The following KANK1 variants were observed in gnomAD, a reference collection of about 807,000 sequenced individuals.
KANK1 encodes KN motif and ankyrin repeat domains 1.
In KANK1, 109 loss-of-function variants were observed where a neutral mutation model predicts 106.2. The ratio of observed to expected loss-of-function variants is 1.03; its 90% CI spans 0.88 to 1.20. The LOEUF is 1.20. KANK1 is among the 50% of genes most tolerant of loss of function. The probability of loss-of-function intolerance (pLI) is 0.00; values close to 1 mark genes in which losing one functional copy is unlikely to be tolerated. For synonymous variants in KANK1, 873 were observed against 652.2 expected (o/e 1.34, Z -5.16); for missense variants, 2,399 against 1,710.7 (o/e 1.40, Z -7.10).
intron 3 of KANK1, among the ~76,000 whole-genome samples, chr9:490,699 C>T (rs960275502): frequency 6.6e-6 from 1 of 152,078 alleles, no homozygotes; most frequent in East Asian, 1.9e-4. Context: ...GGCAAAAATA[C>T]GTTAAGCTCC....
chr9:573,531 A>G (rs546534276), intron 1 of KANK1, among the ~76,000 whole-genome samples: 2 of 152,146 alleles, frequency 1.3e-5, no homozygotes, highest in Admixed American at 6.5e-5. Flanking sequence ...CGGCCTCCCA[A>G]AGTGCTGGGA....
intron 2 of KANK1, chr9:686,816 A>G (rs1818694778): frequency 1.0e-6 from 1 of 985,370 alleles, no homozygotes; most frequent in Non-Finnish European, 1.2e-6. Flanking sequence ...TCTGAGGAAC[A>G]TGCTAGGATG....
At chr9:475,287 C>A (rs992671684) in intron 3 of KANK1, among the ~76,000 whole-genome samples, 1 of 152,158 alleles carries the variant, frequency 6.6e-6, no homozygotes, top group African/African-American at 2.4e-5. Context: ...GTGCATGCTC[C>A]CCTCCCAAAT....
At chr9:557,042 G>A (rs1002680743) in intron 1 of KANK1, among the ~76,000 whole-genome samples, 1 of 152,146 alleles carries the variant, frequency 6.6e-6, no homozygotes, top group Non-Finnish European at 1.5e-5. Context: ...TTCTGGGCGA[G>A]TGTAGTGGCT....
At chr9:729,005 C>G (rs1189648577) in intron 3 of KANK1, among the ~76,000 whole-genome samples, 1 of 152,210 alleles carries the variant, frequency 6.6e-6, no homozygotes, top group Non-Finnish European at 1.5e-5. Flanking sequence ...CACATGTTGT[C>G]AGGACCTCGT....
rs1232876663 is a variant in KANK1 at position 531,909 on chromosome 9, GAA to G, written c.-84+27156_-84+27157del. 3.3e-5 allele frequency among the ~76,000 whole-genome samples: 5 copies of G among 152,186 alleles called. No individual in the cohort carries two copies. The East Asian group carries it at 5.8e-4, about 18-fold the overall frequency. The stretch of plus-strand genomic sequence containing the variant: ...TGTGTTACATTGTGATACCAAGAGA[GAA>G]GAGAACTTTTGTCTAGATGCTCACC... On this transcript the variant is annotated intron_variant, in intron 1 of 11. Transcript: ENST00000382297.
At chr9:515,457 G>C (rs7025946) in intron 1 of KANK1, among the ~76,000 whole-genome samples, 38,105 of 150,522 alleles carry the variant, frequency 0.25, 7,633 homozygotes, top group African/African-American at 0.54. Flanking sequence ...GTGTTTTTTT[G>C]TTTTAGTTTT....
At chr9:683,132 G>A (rs1313395937) in intron 2 of KANK1, among the ~76,000 whole-genome samples, 1 of 152,158 alleles carries the variant, frequency 6.6e-6, no homozygotes, top group African/African-American at 2.4e-5. Flanking sequence ...GTGAGTCTTA[G>A]ACCTGTCATC....
intron 1 of KANK1, among the ~76,000 whole-genome samples, chr9:588,828 T>C (rs1480118760): frequency 6.6e-6 from 1 of 152,158 alleles, no homozygotes; most frequent in Non-Finnish European, 1.5e-5. Flanking sequence ...ATAAAAGCCC[T>C]CTGGTAAAGT....
rs749899943 is a variant in KANK1 at position 711,393 on chromosome 9, G to C, written c.627G>C (p.Lys209Asn). The change falls in exon 3 of 12, where the codon AAG (lysine) becomes AAC (asparagine). Residue 209 changes from lysine to asparagine, a missense_variant. Transcript: ENST00000382297. ...FVGSGNHNPA[K>N]HQLQNGYQGN... ...GTTCTGGAAACCACAATCCTGCCAA[G>C]CACCAGCTTCAGAATGGATACCAAG... is the stretch of plus-strand genomic sequence containing the variant. The C allele has an allele frequency of 4.3e-6, 7 of 1,614,122 alleles. 1 individual carries two copies. The South Asian group carries it at 6.6e-5, about 15-fold the overall frequency.
At chr9:537,124 A>C (rs1361653647) in intron 1 of KANK1, among the ~76,000 whole-genome samples, 1 of 152,230 alleles carries the variant, frequency 6.6e-6, no homozygotes, top group African/African-American at 2.4e-5. Flanking sequence ...GAACCCTTTC[A>C]TAACGGAAAT....
At position 728,466 on chromosome 9, in the gene KANK1, G is replaced by A. The variant is rs190322008; in HGVS notation, c.2699-1585G>A. On this transcript the variant is annotated intron_variant, in intron 3 of 11. Coordinates refer to ENST00000382297, the MANE Select transcript of KANK1 (RefSeq NM_015158.5). ...ACCTGCCTTGGCCTCCCAAAGTGCTGGGGTTAACAGGCATGAGCCACTGCT... is the reference window on the plus strand; with the variant it reads ...ACCTGCCTTGGCCTCCCAAAGTGCTAGGGTTAACAGGCATGAGCCACTGCT... Among the ~76,000 whole-genome samples, 8 of 149,668 alleles carry A rather than the reference G, an allele frequency of 5.3e-5. 1 individual carries two copies. The East Asian group carries it at 1.6e-3, about 30-fold the overall frequency.
chr9:564,717 A>G (rs1158381333), intron 1 of KANK1, among the ~76,000 whole-genome samples: 1 of 152,142 alleles, frequency 6.6e-6, no homozygotes, highest in Non-Finnish European at 1.5e-5. Context: ...CCACCTCCTA[A>G]CACTCTTTCA....
At chr9:678,767 A>G (rs1451655848) in intron 2 of KANK1, among the ~76,000 whole-genome samples, 4 of 152,092 alleles carry the variant, frequency 2.6e-5, no homozygotes, top group Non-Finnish European at 5.9e-5. Flanking sequence ...TTTCTCCAGT[A>G]AAATATTTGG....
chr9:567,584 C>T (rs1007117401), intron 1 of KANK1, among the ~76,000 whole-genome samples: 1 of 152,184 alleles, frequency 6.6e-6, no homozygotes, highest in Non-Finnish European at 1.5e-5. Flanking sequence ...TAAGTACCTT[C>T]TGCATTGATT....
intron 3 of KANK1, among the ~76,000 whole-genome samples, chr9:726,952 A>G (rs1469075190): frequency 1.3e-5 from 2 of 152,154 alleles, no homozygotes; most frequent in African/African-American, 4.8e-5. Context: ...AGCACAAGAC[A>G]AGACACTCTC....
At chr9:630,066 G>A (rs1198420599) in intron 1 of KANK1, among the ~76,000 whole-genome samples, 1 of 151,494 alleles carries the variant, frequency 6.6e-6, no homozygotes, top group African/African-American at 2.4e-5. Flanking sequence ...TGGCCAACAT[G>A]GCAAAACGCT....
intron 1 of KANK1, among the ~76,000 whole-genome samples, chr9:563,876 A>C (rs916224575): frequency 2.6e-5 from 4 of 152,138 alleles, no homozygotes; most frequent in African/African-American, 9.7e-5. Context: ...CAGGGCACAC[A>C]TAGGTTCTAC....
intron 1 of KANK1, among the ~76,000 whole-genome samples, chr9:659,738 C>T (rs954001158): frequency 6.6e-6 from 1 of 151,824 alleles, no homozygotes; most frequent in Non-Finnish European, 1.5e-5. Context: ...TTCAAACAAC[C>T]AGTTCTCGGG....
Sources: allele counts gnomAD v4.1 joint callset (sites outside exome capture counted in the v4.1 genomes callset), GRCh38; gene constraint gnomAD v4.1.1; transcripts MANE v1.5; gene names NCBI Gene and HGNC (gene_info 2026-07-23, HGNC 2026-07-21).